USH1C: variants seen among roughly 807,000 people sequenced by gnomAD.
The protein encoded by USH1C is harmonin.
USH1C carries 90 observed loss-of-function variants against 119.3 expected under a neutral mutation model. The observed-to-expected ratio is 0.75, with a 90% CI of 0.64 to 0.90. The LOEUF (loss-of-function observed/expected upper bound fraction) is 0.90. Among genes scored for constraint, USH1C ranks in the 40% least tolerant of loss-of-function variants. The pLI is 0.00. For synonymous variants in USH1C, 465 were observed against 443.3 expected (o/e 1.05, Z -0.62); for missense variants, 1,165 against 1,167.7 (o/e 1.00, Z 0.03).
intron 1 of USH1C, among the ~76,000 whole-genome samples, chr11:17,539,833 CTTTTTTTTTTT>C (rs34881002): frequency 7.9e-6 from 1 of 126,202 alleles, no homozygotes; most frequent in Non-Finnish European, 1.6e-5. Flanking sequence ...CTTTCTTTTT[CTTTTTTTTTTT>C]TTTTTTGAGA....
chr11:17,503,647 C>T (rs768343650), intron 20 of USH1C, among the ~76,000 whole-genome samples: 4 of 152,200 alleles, frequency 2.6e-5, no homozygotes, highest in African/African-American at 7.2e-5. Context: ...TCTTGTGTGA[C>T]GACAGTGCTT....
chr11:17,497,016 G>T (rs1012850428), intron 24 of USH1C: 2 of 568,772 alleles, frequency 3.5e-6, no homozygotes, highest in Admixed American at 6.2e-5. Flanking sequence ...TAGAGGACAG[G>T]GCTGCAAGGC....
Position 17,501,938 on chromosome 11 carries a change from C to T in USH1C, c.2226+1G>A. On this transcript the variant is annotated splice_donor_variant, in intron 21 of 26. Transcript: ENST00000005226. LOFTEE classifies it high-confidence loss of function. ...TCCAGGAGAGAAGCGTCATCTCTTACCATAGAGTAGGGGTCAAAGCCTTCC... is the reference window on the plus strand; with the variant it reads ...TCCAGGAGAGAAGCGTCATCTCTTATCATAGAGTAGGGGTCAAAGCCTTCC... 1.2e-6 allele frequency: 2 copies of T among 1,613,626 alleles called. No homozygotes were observed. The highest frequency in any genetic ancestry group is 1.1e-5 in the South Asian group (1 of 90,952).
chr11:17,507,539 C>A lies in USH1C; in HGVS notation c.2014-1590G>T, dbSNP rs112097532. Among the ~76,000 whole-genome samples, 1,040 of 152,326 alleles carry A rather than the reference C, an allele frequency of 6.8e-3. 17 individuals are homozygous for A. The highest frequency in any genetic ancestry group is 0.023 in the African/African-American group (977 of 41,576). On this transcript the variant is annotated intron_variant, in intron 18 of 26. Coordinates refer to ENST00000005226, the MANE Select transcript of USH1C (RefSeq NM_153676.4). ...TTCTTTTACTCTGGACTATCAATAACCATAGTTAATGTCTACTGAACATCC... is the reference window on the plus strand; with the variant it reads ...TTCTTTTACTCTGGACTATCAATAAACATAGTTAATGTCTACTGAACATCC...
chr11:17,544,396 G>C lies in USH1C; in HGVS notation c.-89C>G, dbSNP rs894837962. The C allele has an allele frequency of 2.1e-5, 34 of 1,588,264 alleles. No homozygotes were observed. The highest frequency in any genetic ancestry group is 1.8e-4 in the Middle Eastern group (1 of 5,696). ...GCTGGAAAGAGCCGCGACCGCGACC[G>C]GGCCAGCCGCCCTCGGAGCTGGGGG... On this transcript the variant is annotated 5_prime_UTR_variant, in exon 1 of 27. Transcript: ENST00000005226.
rs2072234 is a variant in USH1C, at chr11:17,501,263, T to C, written c.2281-113A>G. ...AGTAAGAGTGGAAGAAGCCATGGGG[T>C]CACCGGCAGTGCCATCTGGAGAAAA... On this transcript the variant is annotated intron_variant, in intron 22 of 26. Coordinates refer to ENST00000005226, the MANE Select transcript of USH1C (RefSeq NM_153676.4). 0.43 allele frequency: 455,360 copies of C among 1,052,196 alleles called. 103,662 individuals carry two copies. The highest frequency in any genetic ancestry group is 0.73 in the African/African-American group (46,361 of 63,508). The allele number at this position is 1,052,196 out of a possible 1,614,324, so 65.2% of individuals were successfully genotyped here.
At chr11:17,512,865 C>T (rs1849955563) in intron 15 of USH1C, among the ~76,000 whole-genome samples, 2 of 152,132 alleles carry the variant, frequency 1.3e-5, no homozygotes, top group South Asian at 2.1e-4. Context: ...TGGGGAGGGA[C>T]ATGAAAGGCA....
chr11:17,534,813 G>A (rs1026801505), intron 1 of USH1C, among the ~76,000 whole-genome samples: 1 of 149,816 alleles, frequency 6.7e-6, no homozygotes, highest in East Asian at 2.0e-4. Context: ...GGCGGAGGTT[G>A]CAGTGAGCCA....
intron 1 of USH1C, among the ~76,000 whole-genome samples, chr11:17,543,365 AT>A (rs1425593405): frequency 6.6e-6 from 1 of 152,072 alleles, no homozygotes; most frequent in Non-Finnish European, 1.5e-5. Context: ...TAAGTTATCA[AT>A]AGTTACCTGC....
At chr11:17,525,724 G>A (rs1565055474) in intron 8 of USH1C, among the ~76,000 whole-genome samples, 1 of 152,224 alleles carries the variant, frequency 6.6e-6, no homozygotes, top group Non-Finnish European at 1.5e-5. Context: ...AGTGACAAGA[G>A]AGCTGTGACA....
intron 1 of USH1C, among the ~76,000 whole-genome samples, chr11:17,541,785 G>T (rs545299730): frequency 6.6e-6 from 1 of 152,244 alleles, no homozygotes; most frequent in Non-Finnish European, 1.5e-5. Context: ...CACTCTGCAG[G>T]TATCAGCTGG....
intron 1 of USH1C, 35 bp downstream of exon 1, chr11:17,544,237 A>G: frequency 6.2e-7 from 1 of 1,613,604 alleles, no homozygotes; most frequent in Non-Finnish European, 8.5e-7. Flanking sequence ...AGGACTCCGG[A>G]GTCCCAGAAG....
At chr11:17,534,701 CCT>C (rs1851156494) in intron 1 of USH1C, among the ~76,000 whole-genome samples, 1 of 152,060 alleles carries the variant, frequency 6.6e-6, no homozygotes, top group African/African-American at 2.4e-5. Flanking sequence ...ATGGCAAAAC[CCT>C]GTCTCTATTA....
At chr11:17,540,838 C>T (rs1486131517) in intron 1 of USH1C, among the ~76,000 whole-genome samples, 2 of 152,206 alleles carry the variant, frequency 1.3e-5, no homozygotes, top group Non-Finnish European at 2.9e-5. Flanking sequence ...TTGGGCCCCT[C>T]AGTGGATTCT....
At chr11:17,521,073 C>T (rs1486695265) in intron 13 of USH1C, 79 bp from the exon 14 acceptor site, 1 of 1,586,520 alleles carries the variant, frequency 6.3e-7, no homozygotes, top group African/African-American at 1.3e-5. Context: ...GAGCCCCAGC[C>T]AGCCTGGGGA....
At position 17,524,453 on chromosome 11, in the gene USH1C, C is replaced by A; in HGVS notation, c.757G>T (p.Glu253Ter). The A allele has an allele frequency of 6.4e-7, 1 of 1,571,454 alleles. No homozygotes were observed. The highest frequency in any genetic ancestry group is 8.6e-7 in the Non-Finnish European group (1 of 1,156,842). Reference sequence around the variant, plus strand: ...GGGGCCGGCCCAGCGTCACTCACCTCCAATCCCACCTCAGCAGACAGGGAG... The same window carrying A: ...GGGGCCGGCCCAGCGTCACTCACCTACAATCCCACCTCAGCAGACAGGGAG... Reference protein sequence around the residue: ...PGSLSAEVGLEIGDQIVEVNG... With the variant: ...PGSLSAEVGL Residue 253 changes from glutamate to a stop codon, truncating the protein, a stop_gained and splice_region_variant, in exon 9 of 27, where the codon GAG becomes TAG. Transcript: ENST00000005226. LOFTEE classifies it high-confidence loss of function.
intron 24 of USH1C, 134 bp from the exon 25 acceptor site, chr11:17,496,947 G>C (rs940339560): frequency 7.2e-6 from 7 of 977,720 alleles, no homozygotes; most frequent in Non-Finnish European, 1.1e-5. Context: ...GGCCCACCTG[G>C]GGCCCACTGT....
Position 17,501,083 on chromosome 11 carries a change from G to A in USH1C, c.2348C>T (p.Ala783Val), listed in dbSNP as rs1849423397. ...CTCAGCAGCTCCCCGCTCATACACA[G>A]CAGAAACGACCACCTTCCCAATGGG... ...DSPIGKVVVS[A>V]VYERGAAERH... Residue 783 changes from alanine (A) to valine (V), a missense_variant, in exon 23 of 27, where the codon GCT (alanine) becomes GTT (valine). Coordinates refer to ENST00000005226, the MANE Select transcript of USH1C (RefSeq NM_153676.4). 1.2e-6 allele frequency: 2 copies of A among 1,614,038 alleles called. No homozygotes were observed. The highest frequency in any genetic ancestry group is 1.7e-6 in the Non-Finnish European group (2 of 1,179,986).
At chr11:17,514,801 T>C (rs551010005) in intron 15 of USH1C, among the ~76,000 whole-genome samples, 4 of 42,714 alleles carry the variant, frequency 9.4e-5, no homozygotes, top group East Asian at 2.9e-3. Context: ...GCAATTCTTT[T>C]TTTTTTTTTT....
Sources: gnomAD v4.1 joint callset for allele counts (sites outside exome capture counted in the v4.1 genomes callset) on GRCh38, gnomAD v4.1.1 for gene constraint, MANE v1.5 for transcripts, NCBI Gene and HGNC (gene_info 2026-07-23, HGNC 2026-07-21) for gene names.